The following TMEM207 variants were observed in gnomAD, a reference collection of about 807,000 sequenced individuals.
TMEM207 encodes transmembrane protein 207, also known as SRSR846.
Under a neutral mutation model 17.4 loss-of-function variants are expected in TMEM207, and 15 were observed. The observed-to-expected ratio is 0.86, with a 90% CI of 0.58 to 1.33. The LOEUF is 1.33. Ranked by LOEUF, TMEM207 falls within the 40% of genes most tolerant of loss-of-function variation. The probability of loss-of-function intolerance (pLI) is 0.00; values close to 1 mark genes in which losing one functional copy is unlikely to be tolerated. For missense variants in TMEM207, 205 were observed against 173.8 expected, an observed-to-expected ratio of 1.18 and a Z score of -1.01; for synonymous variants, 70 against 65.6, an observed-to-expected ratio of 1.07 and a Z score of -0.33.
At chr3:190,447,705 C>T in intron 2 of TMEM207, 85 bp downstream of exon 2, 14 of 1,403,882 alleles carry the variant, frequency 1.0e-5, no homozygotes, top group Non-Finnish European at 1.3e-5. Flanking sequence ...CTCAACTGGG[C>T]TTTTTCTAAT....
chr3:190,446,116 T>G (rs1245821083), intron 2 of TMEM207, among the ~76,000 whole-genome samples: 2 of 152,186 alleles, frequency 1.3e-5, no homozygotes, highest in African/African-American at 4.8e-5. Context: ...TAGGCCATCT[T>G]TACGGTCCTT....
chr3:190,431,025 G>A (rs1194143667), intron 4 of TMEM207, among the ~76,000 whole-genome samples: 2 of 152,070 alleles, frequency 1.3e-5, no homozygotes, highest in African/African-American at 4.8e-5. Context: ...TTAGAATAAT[G>A]GATTTTCATA....
rs747604990 is a variant in TMEM207 at position 190,429,708 on chromosome 3, T to C, written c.328A>G (p.Thr110Ala). 6.2e-6 allele frequency: 10 copies of C among 1,610,282 alleles called. No homozygotes were observed. The African/African-American group carries it at 6.7e-5, about 11-fold the overall frequency. Reference protein sequence around the residue: ...IYGTEAAVSPTVGIHLQTQTP... With the variant: ...IYGTEAAVSPAVGIHLQTQTP... ...TGAGTTTGAAGGTGAATTCCAACAG[T>C]TGGACTCACAGCTGCTTCTGTCCCT... Residue 110 changes from threonine to alanine, a missense_variant, in exon 5 of 5, where the codon ACT becomes GCT. Physicochemically the swap from Thr to Ala is moderately conservative, Grantham distance 58 (BLOSUM62 0). Coordinates refer to ENST00000354905, the MANE Select transcript of TMEM207 (RefSeq NM_207316.3).
chr3:190,446,493 T>A (rs1277850688), intron 2 of TMEM207, among the ~76,000 whole-genome samples: 2 of 120,782 alleles, frequency 1.7e-5, no homozygotes, highest in Admixed American at 8.5e-5. Context: ...AATTTACATT[T>A]CATTTGAGGG....
chr3:190,434,728 A>G (rs1173793684), intron 4 of TMEM207, among the ~76,000 whole-genome samples: 1 of 152,228 alleles, frequency 6.6e-6, no homozygotes, highest in East Asian at 1.9e-4. Flanking sequence ...CTCAGAAGCT[A>G]CGGCATGGAT....
At chr3:190,443,107 G>T (rs1719968330) in intron 2 of TMEM207, among the ~76,000 whole-genome samples, 1 of 151,044 alleles carries the variant, frequency 6.6e-6, no homozygotes, top group Non-Finnish European at 1.5e-5. Flanking sequence ...AGACAGATGT[G>T]GGGAAATTCT....
intron 4 of TMEM207, among the ~76,000 whole-genome samples, chr3:190,435,808 G>A (rs576582339): frequency 2.6e-5 from 4 of 152,300 alleles, no homozygotes; most frequent in African/African-American, 4.8e-5. Flanking sequence ...GAGAACCCAC[G>A]GACCTCTCCC....
At position 190,431,962 on chromosome 3, in the gene TMEM207, T is replaced by A. The variant is rs778649582; in HGVS notation, c.305-2231A>T. 3.4e-4 allele frequency among the ~76,000 whole-genome samples: 52 copies of A among 152,192 alleles called. 1 individual carries two copies. The highest frequency in any genetic ancestry group is 2.7e-3 in the Admixed American group (41 of 15,274). On this transcript the variant is annotated intron_variant, in intron 4 of 4. Coordinates refer to ENST00000354905, the MANE Select transcript of TMEM207 (RefSeq NM_207316.3). ...TTTTGAAAACCAAATATGTGTTATA[T>A]CAGTTTTCAATTTTTTTCAAAGCAT...
chr3:190,440,121 G>C, intron 4 of TMEM207, 123 bp downstream of exon 4: 1 of 1,154,798 alleles, frequency 8.7e-7, no homozygotes, highest in Non-Finnish European at 1.2e-6. Context: ...GCAGGCCTTG[G>C]TGTCTCCAAT....
chr3:190,443,145 C>CTTTTTTTTTTTTTTTTTTTTTTTTTTTTT (rs201791052), intron 2 of TMEM207, among the ~76,000 whole-genome samples: 2 of 140,340 alleles, frequency 1.4e-5, no homozygotes, highest in African/African-American at 5.2e-5. Flanking sequence ...ATTAAAAAAG[C>CTTTTTTTTTTTTTTTTTTTTTTTTTTTTT]TTTTTTTTTT....
chr3:190,433,005 A>T (rs1307057262), intron 4 of TMEM207, among the ~76,000 whole-genome samples: 2 of 152,186 alleles, frequency 1.3e-5, no homozygotes, highest in African/African-American at 2.4e-5. Context: ...GCCTGAGGGA[A>T]CCCAGCTCCA....
intron 4 of TMEM207, 143 bp from the exon 5 acceptor site, chr3:190,429,874 A>G: frequency 9.5e-7 from 1 of 1,047,904 alleles, no homozygotes. Flanking sequence ...AATTACAACT[A>G]TCTTGCTCTT....
intron 4 of TMEM207, among the ~76,000 whole-genome samples, chr3:190,436,070 A>G (rs915135559): frequency 5.3e-5 from 8 of 152,338 alleles, no homozygotes; most frequent in African/African-American, 1.7e-4. Flanking sequence ...AGTTCTGCTC[A>G]GTTGAGGGCA....
rs1720125579 is a variant in TMEM207 at position 190,449,864 on chromosome 3, C to G, written c.-55G>C. On this transcript the variant is annotated 5_prime_UTR_variant, in exon 1 of 5. Transcript: ENST00000354905. ...GTTTGGTGCCTGTGTTTATTTCCTT[C>G]TTTCTCAGAACTTACTAGCTTCTCT... is the stretch of plus-strand genomic sequence containing the variant. The G allele has an allele frequency of 2.0e-5, 30 of 1,519,696 alleles. No homozygotes were observed. The highest frequency in any genetic ancestry group is 2.6e-5 in the Non-Finnish European group (29 of 1,095,592). 94.1% of individuals were successfully genotyped at this position (1,519,696 alleles called of 1,614,324 possible).
Position 190,429,625 on chromosome 3 carries a change from A to T in TMEM207, c.411T>A (p.Pro137=), listed in dbSNP as rs1460328701. The T allele has an allele frequency of 8.1e-6, 13 of 1,613,516 alleles. No individual in the cohort carries two copies. Among genetic ancestry groups the T allele is most frequent in the African/African-American group, 1.3e-5 (1 of 74,988 alleles). ...APCFGPLGSP[P]PYEEIVKTT ...TTGTTTTTACAATTTCTTCATATGG[A>T]GGTGGGGAGCCTAAAGGGCCAAAAC... Residue 137 remains proline (P), a synonymous_variant, in exon 5 of 5, where the codon CCT becomes CCA. Coordinates refer to ENST00000354905, the MANE Select transcript of TMEM207 (RefSeq NM_207316.3).
intron 2 of TMEM207, among the ~76,000 whole-genome samples, chr3:190,447,149 G>T (rs1374820079): frequency 6.6e-6 from 1 of 152,060 alleles, no homozygotes; most frequent in African/African-American, 2.4e-5. Context: ...GCTGCTAACA[G>T]TAAGGGCTGC....
At chr3:190,442,223 G>A (rs1240141303) in intron 2 of TMEM207, among the ~76,000 whole-genome samples, 2 of 152,122 alleles carry the variant, frequency 1.3e-5, no homozygotes, top group Non-Finnish European at 2.9e-5. Flanking sequence ...GTGGGCTGAT[G>A]GACTTTTTTC....
intron 2 of TMEM207, 23 bp downstream of exon 2, chr3:190,447,767 G>A: frequency 6.2e-7 from 1 of 1,606,590 alleles, no homozygotes. Context: ...ATAAAAACAT[G>A]GAGTTTTTCG....
At chr3:190,447,860 A>G in intron 1 of TMEM207, 33 bp from the exon 2 acceptor site, 1 of 1,602,884 alleles carries the variant, frequency 6.2e-7, no homozygotes. Flanking sequence ...TAAAATCCAA[A>G]CATCTCATCA....
Sources: allele counts gnomAD v4.1 joint callset (sites outside exome capture counted in the v4.1 genomes callset), GRCh38; gene constraint gnomAD v4.1.1; transcripts MANE v1.5; gene names NCBI Gene and HGNC (gene_info 2026-07-23, HGNC 2026-07-21).